Variants in CREB3L2 observed in about 807,000 individuals in gnomAD.
CREB3L2 encodes the protein cAMP responsive element binding protein 3 like 2, also known as cyclic AMP-responsive element-binding protein 3-like protein 2.
Under a neutral mutation model 57.2 loss-of-function variants are expected in CREB3L2, and 23 were observed. The observed-to-expected ratio is 0.40, with a 90% CI of 0.29 to 0.57. CREB3L2 has a LOEUF of 0.57. CREB3L2 is among the 20% of genes least tolerant of loss of function. CREB3L2 has a pLI of 0.42. For synonymous variants in CREB3L2, 268 were observed against 265.1 expected (o/e 1.01, Z -0.11); for missense variants, 628 against 634.7 (o/e 0.99, Z 0.11).
chr7:137,972,985 G>A (rs1245549139), intron 1 of CREB3L2, among the ~76,000 whole-genome samples: 1 of 150,884 alleles, frequency 6.6e-6, no homozygotes, highest in Non-Finnish European at 1.5e-5. Context: ...CCCTATATAG[G>A]AAAGAAGCTT....
Position 137,929,356 on chromosome 7 carries a change from G to A in CREB3L2, c.103-990C>T, listed in dbSNP as rs1054672358. Among the ~76,000 whole-genome samples the A allele has an allele frequency of 3.3e-5, 5 of 152,008 alleles. 1 individual carries two copies. The highest frequency in any genetic ancestry group is 4.4e-5 in the Non-Finnish European group (3 of 68,010). Reference sequence around the variant, plus strand: ...CCTGGCACTAATAACATTTTGGACTGGATAATTCGTTGTGAAGGGCAGGGG... The same window carrying A: ...CCTGGCACTAATAACATTTTGGACTAGATAATTCGTTGTGAAGGGCAGGGG... On this transcript the variant is annotated intron_variant, in intron 1 of 11. Transcript: ENST00000330387.
At chr7:137,882,071 C>T (rs115314133) in intron 11 of CREB3L2, among the ~76,000 whole-genome samples, 1,922 of 152,318 alleles carry the variant, frequency 0.013, 43 homozygotes, top group African/African-American at 0.044. Flanking sequence ...ACAGCAAACA[C>T]ACTGTGGTTA....
chr7:137,882,477 G>C lies in CREB3L2; in HGVS notation c.1422C>G (p.Pro474=), dbSNP rs373493579. The part of the protein sequence containing the change: ...GLESRPDVDL[P]HFIISNETSL... ...TGGTCTCATTCGAGATAATGAAATG[G>C]GGAAGATCCACATCCGGCCTGGACT... is the stretch of plus-strand genomic sequence containing the variant. Residue 474 remains proline (P), a synonymous_variant, in exon 11 of 12, where the codon CCC becomes CCG. Transcript: ENST00000330387. 2 of 1,613,968 alleles carry C rather than the reference G, an allele frequency of 1.2e-6. No homozygotes were observed. Among genetic ancestry groups the C allele is most frequent in the South Asian group, 1.1e-5 (1 of 91,066 alleles).
intron 2 of CREB3L2, among the ~76,000 whole-genome samples, chr7:137,927,049 T>C (rs553305687): frequency 6.6e-6 from 1 of 151,728 alleles, no homozygotes; most frequent in Admixed American, 6.6e-5. Flanking sequence ...CCCAGCAACT[T>C]GGGAGGCTGA....
chr7:137,997,087 C>G (rs1247781109), intron 1 of CREB3L2, among the ~76,000 whole-genome samples: 1 of 152,212 alleles, frequency 6.6e-6, no homozygotes, highest in Non-Finnish European at 1.5e-5. Flanking sequence ...TTCCCCTGTT[C>G]TTCATCCAAC....
chr7:138,001,994 G>T lies in CREB3L2; in HGVS notation c.-289C>A, dbSNP rs62488320. The T allele has an allele frequency of 2.6e-6, 1 of 382,942 alleles. No individual in the cohort carries two copies. The highest frequency in any genetic ancestry group is 2.1e-5 in the African/African-American group (1 of 48,456). 23.7% of individuals were successfully genotyped at this position (382,942 alleles called of 1,614,324 possible). A position where few individuals can be genotyped will look rare whatever the true frequency, so the allele number is the denominator to read the frequency against. ...CATCCAAAATGAAGGCAGAAGACCC[G>T]CTCTCATCCCAGGAAAATCCCTTAG... is the stretch of plus-strand genomic sequence containing the variant. On this transcript the variant is annotated 5_prime_UTR_variant, in exon 1 of 12. Transcript: ENST00000330387. This position sits in a 1 kb window ranked among gnomAD's most constrained non-coding sequence, Gnocchi z 4.2.
At chr7:137,888,426 C>T (rs1043621764) in intron 8 of CREB3L2, among the ~76,000 whole-genome samples, 7 of 152,136 alleles carry the variant, frequency 4.6e-5, no homozygotes, top group African/African-American at 1.7e-4. Flanking sequence ...CCCAGGACTT[C>T]CCCAGAAAAT....
At chr7:137,929,692 C>A (rs1408381557) in intron 1 of CREB3L2, among the ~76,000 whole-genome samples, 8 of 148,464 alleles carry the variant, frequency 5.4e-5, no homozygotes, top group Middle Eastern at 7.0e-3. Flanking sequence ...GAAACCCTGT[C>A]TTTACTAAAT....
intron 3 of CREB3L2, among the ~76,000 whole-genome samples, chr7:137,913,506 C>CAAAAAAAAAA (rs33940093): frequency 1.8e-5 from 2 of 108,734 alleles, no homozygotes; most frequent in Non-Finnish European, 3.8e-5. Context: ...GACCCTATCT[C>CAAAAAAAAAA]AAAAAAAAAA....
At chr7:137,934,158 G>A (rs1379483324) in intron 1 of CREB3L2, among the ~76,000 whole-genome samples, 4 of 152,086 alleles carry the variant, frequency 2.6e-5, no homozygotes, top group African/African-American at 4.8e-5. Flanking sequence ...CAATACTCAC[G>A]ACAATCCTGT....
At chr7:137,909,317 T>C (rs749601372) in intron 4 of CREB3L2, among the ~76,000 whole-genome samples, 1 of 152,170 alleles carries the variant, frequency 6.6e-6, no homozygotes, top group Non-Finnish European at 1.5e-5. Context: ...CACAACACCC[T>C]CTCTGCCAGG....
Position 137,907,901 on chromosome 7 carries a change from T to C in CREB3L2, c.768+351A>G, listed in dbSNP as rs538308771. 1.2e-4 allele frequency among the ~76,000 whole-genome samples: 18 copies of C among 152,352 alleles called. No individual in the cohort carries two copies. In the South Asian group the frequency reaches 2.1e-3, roughly 18 times the overall value. On this transcript the variant is annotated intron_variant, in intron 5 of 11. Coordinates refer to ENST00000330387, the MANE Select transcript of CREB3L2 (RefSeq NM_194071.4). ...AATATAAAAGGTATTTCCTATGACA[T>C]AGGTCACAAGGACCATTAAATTAAT...
chr7:137,943,899 T>G (rs1455926946), intron 1 of CREB3L2, among the ~76,000 whole-genome samples: 6 of 152,204 alleles, frequency 3.9e-5, no homozygotes, highest in Non-Finnish European at 1.5e-5. Flanking sequence ...AAAATGTAGA[T>G]TCAACTAAGA....
intron 2 of CREB3L2, among the ~76,000 whole-genome samples, chr7:137,922,293 G>T (rs367729000): frequency 6.7e-6 from 1 of 149,134 alleles, no homozygotes; most frequent in East Asian, 2.0e-4. Context: ...GTGTTTATTT[G>T]TTCTGGGTAT....
intron 2 of CREB3L2, among the ~76,000 whole-genome samples, chr7:137,920,118 T>G (rs1800240103): frequency 6.6e-6 from 1 of 152,222 alleles, no homozygotes; most frequent in African/African-American, 2.4e-5. Context: ...GTTGCATTCC[T>G]GGCTCCAGGT....
At chr7:137,921,485 G>T (rs1800273215) in intron 2 of CREB3L2, among the ~76,000 whole-genome samples, 1 of 152,158 alleles carries the variant, frequency 6.6e-6, no homozygotes, top group African/African-American at 2.4e-5. Context: ...ATCAAGATAG[G>T]CAAATCATCA....
At chr7:137,925,409 C>T (rs1213687630) in intron 2 of CREB3L2, among the ~76,000 whole-genome samples, 2 of 152,164 alleles carry the variant, frequency 1.3e-5, no homozygotes, top group African/African-American at 4.8e-5. Flanking sequence ...TATCACTGAA[C>T]ACAAGGACTC....
chr7:137,879,386 C>T lies in CREB3L2; in HGVS notation c.*1090G>A. The T allele has an allele frequency of 2.2e-6, 1 of 463,546 alleles. No individual in the cohort carries two copies. The highest frequency in any genetic ancestry group is 4.1e-6 in the Non-Finnish European group (1 of 244,192). The allele number at this position is 463,546 out of a possible 1,614,324, so 28.7% of individuals were successfully genotyped here. On this transcript the variant is annotated 3_prime_UTR_variant, in exon 12 of 12. Transcript: ENST00000330387. ...AGGTGTGGAAAGCCAGCAAGGTTGT[C>T]TGAAATGTCTGTTGTCAGAACAGGG...
chr7:137,882,672 G>A (rs753845813), intron 10 of CREB3L2, 44 bp from the exon 11 acceptor site: 7 of 1,386,556 alleles, frequency 5.0e-6, no homozygotes, highest in Admixed American at 2.1e-5. Flanking sequence ...AAAGACCACA[G>A]GGGTCCAACA....
Sources: gnomAD v4.1 joint callset for allele counts (sites outside exome capture counted in the v4.1 genomes callset) on GRCh38, gnomAD v4.1.1 for gene constraint, Gnocchi (gnomAD v3.1) non-coding constraint, MANE v1.5 for transcripts, NCBI Gene and HGNC (gene_info 2026-07-23, HGNC 2026-07-21) for gene names.